DOCK8: variants seen among roughly 807,000 people sequenced by gnomAD.
DOCK8 encodes dedicator of cytokinesis protein 8.
A neutral mutation model predicts 245.6 loss-of-function variants in DOCK8; 141 were observed. The ratio of observed to expected loss-of-function variants is 0.57; its 90% CI spans 0.50 to 0.66. The LOEUF is 0.66. Ranked by LOEUF, DOCK8 falls within the 30% of genes least tolerant of loss-of-function variation. The pLI, the probability that DOCK8 is intolerant of heterozygous loss-of-function variation, is 0.00. For synonymous variants in DOCK8, 1,168 were observed against 970.2 expected (o/e 1.20, Z -3.79); for missense variants, 2,965 against 2,603.4 (o/e 1.14, Z -3.02).
Position 375,355 on chromosome 9 carries a change from T to C in DOCK8, c.2110-855T>C, listed in dbSNP as rs138852177. ...CTGTCTGTAAGACCTACGAAGGTAA[T>C]GATATATAAACGTATAAAAGAGTCA... is the stretch of plus-strand genomic sequence containing the variant. On this transcript the variant is annotated intron_variant, in intron 18 of 47. Coordinates refer to ENST00000432829, the MANE Select transcript of DOCK8 (RefSeq NM_203447.4). Among the ~76,000 whole-genome samples the C allele has an allele frequency of 2.4e-3, 373 of 152,250 alleles. 5 individuals carry two copies. The highest frequency in any genetic ancestry group is 8.6e-3 in the African/African-American group (356 of 41,554).
intron 28 of DOCK8, among the ~76,000 whole-genome samples, chr9:413,668 G>A (rs560032974): frequency 5.9e-5 from 9 of 152,302 alleles, no homozygotes; most frequent in African/African-American, 1.7e-4. Context: ...ATCATTAGCC[G>A]TCAGGGAGAT....
intron 14 of DOCK8, 122 bp from the exon 15 acceptor site, chr9:367,896 C>G: frequency 1.3e-6 from 1 of 774,538 alleles, no homozygotes. Flanking sequence ...TAATTCACTT[C>G]TGAGAGGAAA....
intron 40 of DOCK8, 115 bp from the exon 41 acceptor site, chr9:441,171 G>T (rs1182204046): frequency 6.7e-7 from 1 of 1,488,684 alleles, no homozygotes; most frequent in Non-Finnish European, 9.3e-7. Flanking sequence ...GTGAAATACT[G>T]TGATACAACA....
intron 2 of DOCK8, among the ~76,000 whole-genome samples, chr9:277,457 G>GA (rs1554651517): frequency 6.0e-4 from 78 of 129,572 alleles, no homozygotes; most frequent in Middle Eastern, 7.0e-3. Context: ...AGAAGAGAAA[G>GA]AGAGAAGAGA....
rs2048223930 is a variant in DOCK8, at chr9:273,517, A to C, written c.156+1788A>C. Among the ~76,000 whole-genome samples the C allele has an allele frequency of 1.3e-5, 2 of 152,228 alleles. 1 individual carries two copies. Among genetic ancestry groups the C allele is most frequent in the South Asian group, 4.1e-4 (2 of 4,834 alleles). Reference sequence around the variant, plus strand: ...TTTAAAATAGATTGGATACACTTTTAAATTTTAAACAAGGTAGAGGGTTTA... The same window carrying C: ...TTTAAAATAGATTGGATACACTTTTCAATTTTAAACAAGGTAGAGGGTTTA... On this transcript the variant is annotated intron_variant, in intron 2 of 47. Coordinates refer to ENST00000432829, the MANE Select transcript of DOCK8 (RefSeq NM_203447.4).
chr9:379,162 G>A (rs534381019), intron 20 of DOCK8, among the ~76,000 whole-genome samples: 62 of 152,292 alleles, frequency 4.1e-4, no homozygotes, highest in African/African-American at 1.4e-3. Context: ...AAGGGTACAA[G>A]GTTAGATAAG....
rs1162138960 is a variant in DOCK8, at chr9:286,068, T to G, written c.157-393T>G. ...GAGTTTGCCTGGATTTCTGGAAAAT[T>G]GTCTCCGTTCCCTAGTTCACTGTAT... is the stretch of plus-strand genomic sequence containing the variant. On this transcript the variant is annotated intron_variant, in intron 2 of 47. Transcript: ENST00000432829. Among the ~76,000 whole-genome samples, 3 of 152,196 alleles carry G rather than the reference T, an allele frequency of 2.0e-5. No homozygotes were observed. In the East Asian group the frequency reaches 5.8e-4, roughly 29 times the overall value.
intron 5 of DOCK8, 50 bp from the exon 6 acceptor site, chr9:311,904 A>C: frequency 6.2e-7 from 1 of 1,604,606 alleles, no homozygotes. Flanking sequence ...TTCGGTTCTC[A>C]TTTTAGACTT....
chr9:464,198 C>G lies in DOCK8; in HGVS notation c.6279C>G (p.Thr2093=). The G allele has an allele frequency of 6.2e-7, 1 of 1,613,994 alleles. No homozygotes were observed. The highest frequency in any genetic ancestry group is 8.5e-7 in the Non-Finnish European group (1 of 1,179,884). ...GATCTAGTTTCAGGAAATGTGAAACCCAGTTGTCACAGGGCAGCTAAGAAA... is the reference window on the plus strand; with the variant it reads ...GATCTAGTTTCAGGAAATGTGAAACGCAGTTGTCACAGGGCAGCTAAGAAA... ...FHRSSFRKCE[T]QLSQGS Residue 2093 remains threonine, a synonymous_variant, in exon 48 of 48, where the codon ACC becomes ACG. Transcript: ENST00000432829.
intron 2 of DOCK8, among the ~76,000 whole-genome samples, chr9:275,959 C>G (rs1248316908): frequency 6.7e-6 from 1 of 150,246 alleles, no homozygotes; most frequent in East Asian, 2.0e-4. Flanking sequence ...GATGTGATTT[C>G]TGCTCTCTGC....
At chr9:421,151 A>G (rs2056260791) in intron 32 of DOCK8, 73 bp downstream of exon 32, 2 of 1,560,082 alleles carry the variant, frequency 1.3e-6, no homozygotes, top group Non-Finnish European at 1.8e-6. Context: ...ATGTCCTCCC[A>G]ACATGATTAG....
At chr9:289,018 A>G (rs1051502294) in intron 3 of DOCK8, among the ~76,000 whole-genome samples, 5 of 152,196 alleles carry the variant, frequency 3.3e-5, no homozygotes, top group Admixed American at 1.3e-4. Flanking sequence ...ACAGGAACCA[A>G]CTGAATTAAT....
Position 312,017 on chromosome 9 carries a change from G to GAC in DOCK8, c.593_594dup (p.Phe199ThrfsTer13). ...TGGGAAAGGCCCCGTCACTGCCTGT[G>GAC]ACTTTGACCTCCGCAGCCTGCAGCC... On this transcript the variant is annotated frameshift_variant, in exon 6 of 48. Transcript: ENST00000432829. LOFTEE classifies it high-confidence loss of function. The GAC allele has an allele frequency of 6.2e-7, 1 of 1,614,208 alleles. No individual in the cohort carries two copies. The highest frequency in any genetic ancestry group is 8.5e-7 in the Non-Finnish European group (1 of 1,180,046).
chr9:404,471 G>C (rs2055319886), intron 26 of DOCK8, among the ~76,000 whole-genome samples: 1 of 152,094 alleles, frequency 6.6e-6, no homozygotes, highest in South Asian at 2.1e-4. Context: ...CCTTTAATTA[G>C]AAACTACGAG....
At chr9:244,876 G>A (rs2047470085) in intron 1 of DOCK8, among the ~76,000 whole-genome samples, 1 of 152,138 alleles carries the variant, frequency 6.6e-6, no homozygotes, top group South Asian at 2.1e-4. Flanking sequence ...AGTGTGTTTT[G>A]AAGAAGACTG....
At position 312,085 on chromosome 9, in the gene DOCK8, G is replaced by C. The variant is rs766125954; in HGVS notation, c.660G>C (p.Glu220Asp). The C allele has an allele frequency of 6.2e-7, 1 of 1,614,224 alleles. No individual in the cohort carries two copies. Among genetic ancestry groups the C allele is most frequent in the Non-Finnish European group, 8.5e-7 (1 of 1,180,032 alleles). The change falls in exon 6 of 48, where the codon GAG (glutamate) becomes GAC (aspartate). Residue 220 changes from glutamate (E) to aspartate (D), a missense_variant. Glu to Asp is a conservative substitution (Grantham distance 45, BLOSUM62 2). Coordinates refer to ENST00000432829, the MANE Select transcript of DOCK8 (RefSeq NM_203447.4). ...ACCTCCTGCAGCAAGTGAGTGCCGAGGACTTTGAGAAGCAGAACGAGGAGG... is the reference window on the plus strand; with the variant it reads ...ACCTCCTGCAGCAAGTGAGTGCCGACGACTTTGAGAAGCAGAACGAGGAGG... Reference protein sequence around the residue: ...LENLLQQVSAEDFEKQNEEAR... With the variant: ...LENLLQQVSADDFEKQNEEAR...
At chr9:277,806 A>C (rs2048419819) in intron 2 of DOCK8, among the ~76,000 whole-genome samples, 1 of 152,252 alleles carries the variant, frequency 6.6e-6, no homozygotes, top group Admixed American at 6.5e-5. Context: ...CACCATGGTT[A>C]CATGGCATGT....
chr9:388,444 TAC>T (rs1266083798), intron 23 of DOCK8, among the ~76,000 whole-genome samples: 2 of 152,256 alleles, frequency 1.3e-5, no homozygotes, highest in Non-Finnish European at 2.9e-5. Flanking sequence ...CAAGCATGTA[TAC>T]AGAGATTTTC....
chr9:291,657 C>T (rs1002849149), intron 4 of DOCK8, among the ~76,000 whole-genome samples: 2 of 151,826 alleles, frequency 1.3e-5, no homozygotes, highest in South Asian at 4.2e-4. Context: ...GCAAAAACAT[C>T]CTTCTCAGGA....
Sources: gnomAD v4.1 joint callset for allele counts (sites outside exome capture counted in the v4.1 genomes callset) on GRCh38, gnomAD v4.1.1 for gene constraint, MANE v1.5 for transcripts, NCBI Gene and HGNC (gene_info 2026-07-23, HGNC 2026-07-21) for gene names.